The following ABI3BP variants were observed in gnomAD, a reference collection of about 807,000 sequenced individuals.
ABI3BP encodes the protein ABI family member 3 binding protein, also known as target of Nesh-SH3.
A neutral mutation model predicts 268.6 loss-of-function variants in ABI3BP; 216 were observed. The ratio of observed to expected loss-of-function variants is 0.80; its 90% CI spans 0.72 to 0.90. The LOEUF (loss-of-function observed/expected upper bound fraction) is 0.90. Among genes scored for constraint, ABI3BP ranks in the 40% least tolerant of loss-of-function variants. ABI3BP has a pLI of 0.00. For synonymous variants in ABI3BP, 730 were observed against 730.0 expected (o/e 1.00, Z 0.00); for missense variants, 2,090 against 2,182.4 (o/e 0.96, Z 0.84).
At chr3:100,913,540 TG>T (rs897497926) in intron 2 of ABI3BP, among the ~76,000 whole-genome samples, 11 of 152,176 alleles carry the variant, frequency 7.2e-5, no homozygotes, top group African/African-American at 2.7e-4. Flanking sequence ...GCTGTCTGCT[TG>T]GGCATGTGCT....
At chr3:100,809,063 A>G (rs146905430) in intron 49 of ABI3BP, among the ~76,000 whole-genome samples, 26 of 152,216 alleles carry the variant, frequency 1.7e-4, no homozygotes, top group African/African-American at 6.3e-4. Context: ...AGGAGTCTGC[A>G]GAATCTTCTT....
chr3:100,958,466 A>G (rs112507710), intron 1 of ABI3BP, among the ~76,000 whole-genome samples: 5 of 152,236 alleles, frequency 3.3e-5, no homozygotes, highest in African/African-American at 1.2e-4. Flanking sequence ...TAATGTATAC[A>G]TTGGGAAAAC....
intron 4 of ABI3BP, among the ~76,000 whole-genome samples, chr3:100,888,619 A>G (rs1316469080): frequency 1.3e-5 from 2 of 152,124 alleles, no homozygotes; most frequent in Non-Finnish European, 1.5e-5. Flanking sequence ...AAACTTCACC[A>G]TGGTTTAAAA....
Position 100,885,555 on chromosome 3 carries a change from T to C in ABI3BP, c.677A>G (p.Tyr226Cys), listed in dbSNP as rs751371978. The C allele has an allele frequency of 7.0e-6, 11 of 1,562,360 alleles. No individual in the cohort carries two copies. In the East Asian group the frequency reaches 2.1e-4, roughly 29 times the overall value. ...KKVNGKIQST[Y>C]DQDHTVPAYV... ...ACATACCACTGTGTGGTCTTGGTCA[T>C]AGGTACTTTGGATTTTCCCATTTAC... Residue 226 changes from tyrosine (Y) to cysteine (C), a missense_variant, in exon 6 of 68, where the codon TAT becomes TGT. Physicochemically the swap from Tyr to Cys is radical, Grantham distance 194. Coordinates refer to ENST00000471714, the MANE Select transcript of ABI3BP (RefSeq NM_001375547.2).
chr3:100,948,713 A>T (rs1181104813), intron 1 of ABI3BP, among the ~76,000 whole-genome samples: 1 of 152,202 alleles, frequency 6.6e-6, no homozygotes, highest in Non-Finnish European at 1.5e-5. Flanking sequence ...TTAAAAAATT[A>T]TACAAATAAT....
At chr3:100,968,622 G>A (rs976751210) in intron 1 of ABI3BP, among the ~76,000 whole-genome samples, 1 of 151,998 alleles carries the variant, frequency 6.6e-6, no homozygotes, top group Admixed American at 6.6e-5. Context: ...ATTATTTGGG[G>A]CTCTCTTAAG....
chr3:100,927,389 C>G (rs1429426629), intron 1 of ABI3BP, among the ~76,000 whole-genome samples: 1 of 152,088 alleles, frequency 6.6e-6, no homozygotes. Context: ...TTCCTGGTTT[C>G]TAAGTGATAT....
At chr3:100,829,140 TAA>T (rs58672723) in intron 33 of ABI3BP, among the ~76,000 whole-genome samples, 38 of 145,394 alleles carry the variant, frequency 2.6e-4, no homozygotes, top group African/African-American at 4.3e-4. Context: ...AAGTGGTTGT[TAA>T]AAAAAAAAAA....
intron 28 of ABI3BP, 103 bp from the exon 29 acceptor site, chr3:100,834,876 A>T: frequency 9.0e-7 from 1 of 1,115,048 alleles, no homozygotes; most frequent in South Asian, 1.6e-5. Context: ...GTCTTGAGAA[A>T]TTTGTCTCTT....
intron 4 of ABI3BP, among the ~76,000 whole-genome samples, chr3:100,894,922 G>C (rs1158479129): frequency 4.9e-5 from 3 of 61,378 alleles, no homozygotes; most frequent in Non-Finnish European, 6.6e-5. Flanking sequence ...CTGGGCGACA[G>C]AGCGGGATTC....
chr3:100,863,175 A>T, intron 12 of ABI3BP: 2 of 380,616 alleles, frequency 5.3e-6, no homozygotes, highest in Non-Finnish European at 9.3e-6. Context: ...TGATTTCTTC[A>T]GCTATGTTTA....
At chr3:100,866,478 A>T (rs1022388015) in intron 10 of ABI3BP, among the ~76,000 whole-genome samples, 1 of 152,156 alleles carries the variant, frequency 6.6e-6, no homozygotes, top group Admixed American at 6.5e-5. Context: ...ATTTTCATAG[A>T]TATTAAGCTA....
At chr3:100,777,671 CT>C (rs2096746064) in intron 59 of ABI3BP, among the ~76,000 whole-genome samples, 1 of 152,078 alleles carries the variant, frequency 6.6e-6, no homozygotes, top group East Asian at 1.9e-4. Context: ...AGGATGAAGT[CT>C]GAGTATCCCA....
rs781305468 is a variant in ABI3BP at position 100,751,665 on chromosome 3, T to C, written c.5132A>G (p.Tyr1711Cys). Residue 1711 changes from tyrosine to cysteine, a missense_variant, in exon 67 of 68, where the codon TAT (tyrosine) becomes TGT (cysteine). Physicochemically the swap from Tyr to Cys is radical, Grantham distance 194 (BLOSUM62 -2). Transcript: ENST00000471714. ...ATGGCCCCTCTGATCACCTATGTTA[T>C]AAAATTTTCCTGAAGAACCAGAAAT... ...YLSDSLTGKF[Y>C]NIGDQRGHGE... is the part of the protein sequence containing the mutation. 2.2e-5 allele frequency: 35 copies of C among 1,592,738 alleles called. No individual in the cohort carries two copies. The highest frequency in any genetic ancestry group is 5.1e-6 in the Non-Finnish European group (6 of 1,170,584).
intron 3 of ABI3BP, among the ~76,000 whole-genome samples, chr3:100,899,830 T>G (rs893058568): frequency 2.6e-5 from 4 of 152,246 alleles, no homozygotes; most frequent in Non-Finnish European, 5.9e-5. Flanking sequence ...CTATGAATGT[T>G]GTATTTGCTC....
At position 100,749,778 on chromosome 3, in the gene ABI3BP, A is replaced by G. The variant is rs1050994973; in HGVS notation, c.*717T>C. ...AGGGATAGTTTGACAAAGCATATTC[A>G]GATATTGTAACATTTATGGTGGGTA... On this transcript the variant is annotated 3_prime_UTR_variant, in exon 68 of 68. Coordinates refer to ENST00000471714, the MANE Select transcript of ABI3BP (RefSeq NM_001375547.2). 2.5e-6 allele frequency: 1 copy of G among 397,916 alleles called. No individual in the cohort carries two copies. Among genetic ancestry groups the G allele is most frequent in the African/African-American group, 2.1e-5 (1 of 48,604 alleles). 24.6% of individuals were successfully genotyped at this position (397,916 alleles called of 1,614,324 possible). A position where few individuals can be genotyped will look rare whatever the true frequency, so the allele number is the denominator to read the frequency against.
At chr3:100,905,536 CT>C (rs55907993) in intron 2 of ABI3BP, among the ~76,000 whole-genome samples, 125,012 of 149,812 alleles carry the variant, frequency 0.83, 52,316 homozygotes, top group East Asian at 1. Flanking sequence ...ACTCTTAGTT[CT>C]TTTTTTTTTT....
chr3:100,914,024 C>T (rs1368698944), intron 2 of ABI3BP, among the ~76,000 whole-genome samples: 1 of 151,636 alleles, frequency 6.6e-6, no homozygotes, highest in African/African-American at 2.4e-5. Context: ...GCTTTGCAGG[C>T]AGAAAGGAAA....
At chr3:100,920,994 G>C (rs1247305281) in intron 2 of ABI3BP, among the ~76,000 whole-genome samples, 2 of 152,092 alleles carry the variant, frequency 1.3e-5, no homozygotes, top group African/African-American at 4.8e-5. Flanking sequence ...TTTCAGCTTA[G>C]AGCATTTCCA....
Sources: gnomAD v4.1 joint callset for allele counts (sites outside exome capture counted in the v4.1 genomes callset) on GRCh38, gnomAD v4.1.1 for gene constraint, MANE v1.5 for transcripts, NCBI Gene and HGNC (gene_info 2026-07-23, HGNC 2026-07-21) for gene names.